Variants in UTP4 observed in about 807,000 individuals in gnomAD.
UTP4 encodes UTP4 small subunit processome component.
Under a neutral mutation model 82.4 loss-of-function variants are expected in UTP4, and 45 were observed. The ratio of observed to expected loss-of-function variants is 0.55; its 90% CI spans 0.43 to 0.70. The LOEUF (loss-of-function observed/expected upper bound fraction) is 0.70, where lower values mean the gene tolerates loss of function less well. Ranked by LOEUF, UTP4 falls within the 30% of genes least tolerant of loss-of-function variation. The pLI is 0.00. For missense variants in UTP4, 819 were observed against 858.3 expected (o/e 0.95, Z 0.57); for synonymous variants, 348 against 300.3 (o/e 1.16, Z -1.64).
intron 5 of UTP4, among the ~76,000 whole-genome samples, chr16:69,142,578 C>A (rs190952807): frequency 6.6e-6 from 1 of 152,270 alleles, no homozygotes; most frequent in East Asian, 1.9e-4. Flanking sequence ...TCCCCAATTC[C>A]TGAGTCCAAG....
intron 5 of UTP4, among the ~76,000 whole-genome samples, chr16:69,141,226 A>G (rs1188752478): frequency 1.3e-5 from 2 of 151,174 alleles, no homozygotes; most frequent in South Asian, 2.1e-4. Context: ...GAGATCTGAA[A>G]CTCTGATTGA....
At position 69,154,445 on chromosome 16, in the gene UTP4, C is replaced by G. The variant is rs571924487; in HGVS notation, c.1152C>G (p.His384Gln). 1 of 1,611,290 alleles carries G rather than the reference C, an allele frequency of 6.2e-7. No homozygotes were observed. The highest frequency in any genetic ancestry group is 8.5e-7 in the Non-Finnish European group (1 of 1,177,590). ...CTAAAAATGCAGATCATTTACTGCA[C>G]CTAAAGACAAAGGTAAGGAAGTTTG... The part of the protein sequence containing the change: ...PLSKNADHLL[H>Q]LKTKGPENII... Residue 384 changes from histidine (H) to glutamine (Q), a missense_variant, in exon 10 of 17, where the codon CAC becomes CAG. His to Gln is a conservative substitution (Grantham distance 24, BLOSUM62 0). Coordinates refer to ENST00000314423, the MANE Select transcript of UTP4 (RefSeq NM_032830.3).
At chr16:69,168,280 C>G (rs1345836360) in intron 16 of UTP4, among the ~76,000 whole-genome samples, 4 of 151,652 alleles carry the variant, frequency 2.6e-5, no homozygotes, top group Admixed American at 6.6e-5. Context: ...ACTAAAAATA[C>G]AAAAAATTAG....
chr16:69,150,568 A>T lies in UTP4; in HGVS notation c.770A>T (p.Glu257Val). The T allele has an allele frequency of 6.2e-7, 1 of 1,614,230 alleles. No homozygotes were observed. Among genetic ancestry groups the T allele is most frequent in the Non-Finnish European group, 8.5e-7 (1 of 1,180,036 alleles). Residue 257 changes from glutamate to valine, a missense_variant, in exon 7 of 17, where the codon GAG becomes GTG. Glu to Val is a moderately radical substitution (Grantham distance 121). Coordinates refer to ENST00000314423, the MANE Select transcript of UTP4 (RefSeq NM_032830.3). The stretch of plus-strand genomic sequence containing the variant: ...GACAGTTTCGTGGTGGGCACAGCCG[A>T]GGGAACAGTCTTCCATTTTCAGCTG... Reference protein sequence around the residue: ...QEDSFVVGTAEGTVFHFQLVP... With the variant: ...QEDSFVVGTAVGTVFHFQLVP...
intron 2 of UTP4, among the ~76,000 whole-genome samples, chr16:69,135,631 G>A (rs1023110588): frequency 9.2e-5 from 14 of 152,150 alleles, no homozygotes; most frequent in Non-Finnish European, 1.8e-4. Flanking sequence ...CGGAAGGATC[G>A]CTTGAGCTCA....
chr16:69,168,189 C>A (rs1283071238), intron 16 of UTP4, among the ~76,000 whole-genome samples: 3 of 152,176 alleles, frequency 2.0e-5, no homozygotes, highest in Non-Finnish European at 2.9e-5. Flanking sequence ...GTAATCCCAG[C>A]ACTTTGGGAG....
intron 3 of UTP4, 72 bp from the exon 4 acceptor site, chr16:69,137,728 GT>G: frequency 4.6e-6 from 3 of 655,702 alleles, no homozygotes; most frequent in Admixed American, 2.2e-5. Flanking sequence ...GTGTTGGGGG[GT>G]GTGTGTGTGT....
At chr16:69,155,064 A>G (rs1963375636) in intron 10 of UTP4, among the ~76,000 whole-genome samples, 1 of 151,766 alleles carries the variant, frequency 6.6e-6, no homozygotes, top group Admixed American at 6.5e-5. Context: ...AGGGTATACA[A>G]TGAAAAAAAA....
chr16:69,159,416 C>T (rs117268208), intron 12 of UTP4, among the ~76,000 whole-genome samples: 4,810 of 152,180 alleles, frequency 0.032, 104 homozygotes, highest in Non-Finnish European at 0.042. Flanking sequence ...ATTTAGGGGC[C>T]GGGCACAGTG....
Position 69,165,386 on chromosome 16 carries a change from C to A in UTP4, c.1693C>A (p.Arg565=), listed in dbSNP as rs119465999. The stretch of plus-strand genomic sequence containing the variant: ...AGACAAACAGTATACAGATTGGAGC[C>A]GGACTGTCCAGAAGCAGGGCTTTCA... ...IPDKQYTDWS[R]TVQKQGFHHL... The change falls in exon 15 of 17, where the codon CGG becomes AGG. Residue 565 remains arginine (R), a synonymous_variant. Coordinates refer to ENST00000314423, the MANE Select transcript of UTP4 (RefSeq NM_032830.3). The A allele has an allele frequency of 6.2e-7, 1 of 1,614,032 alleles. No homozygotes were observed. The highest frequency in any genetic ancestry group is 1.1e-5 in the South Asian group (1 of 91,060).
chr16:69,145,196 C>T (rs889516104), intron 6 of UTP4, among the ~76,000 whole-genome samples: 1 of 152,012 alleles, frequency 6.6e-6, no homozygotes, highest in African/African-American at 2.4e-5. Flanking sequence ...AAAGAGAATA[C>T]AGAGTAAAGG....
At chr16:69,137,911 T>A in intron 4 of UTP4, 26 bp downstream of exon 4, 1 of 1,324,862 alleles carries the variant, frequency 7.5e-7, no homozygotes, top group Non-Finnish European at 1.1e-6. Flanking sequence ...CATGGGGCGG[T>A]AAATAGCCTT....
intron 6 of UTP4, among the ~76,000 whole-genome samples, chr16:69,148,832 C>T (rs1280241306): frequency 6.6e-6 from 1 of 151,990 alleles, no homozygotes; most frequent in African/African-American, 2.4e-5. Flanking sequence ...TCTCAAATTC[C>T]TGGGTTGAAG....
chr16:69,149,832 G>A (rs1257430107), intron 6 of UTP4, among the ~76,000 whole-genome samples: 2 of 152,036 alleles, frequency 1.3e-5, no homozygotes, highest in Non-Finnish European at 2.9e-5. Context: ...AGGTTCAAGT[G>A]ATTCTCGTGC....
At chr16:69,133,372 A>T in intron 1 of UTP4, 86 bp from the exon 2 acceptor site, 1 of 1,343,592 alleles carries the variant, frequency 7.4e-7, no homozygotes, top group Non-Finnish European at 1.1e-6. Flanking sequence ...CCTTCCAGCC[A>T]GAACAGTGAT....
chr16:69,152,464 CTTT>C (rs58914042), intron 8 of UTP4, among the ~76,000 whole-genome samples: 1 of 107,146 alleles, frequency 9.3e-6, no homozygotes, highest in African/African-American at 3.4e-5. Flanking sequence ...TTCTGTTTTT[CTTT>C]TTTTTTTTTT....
intron 6 of UTP4, among the ~76,000 whole-genome samples, chr16:69,147,955 T>G (rs1001765424): frequency 3.3e-5 from 5 of 152,120 alleles, no homozygotes; most frequent in Middle Eastern, 3.4e-3. Context: ...TTGTTTTGTT[T>G]GTTTGTTTTG....
intron 9 of UTP4, 44 bp from the exon 10 acceptor site, chr16:69,154,349 T>C (rs1963353351): frequency 1.4e-6 from 2 of 1,455,058 alleles, no homozygotes; most frequent in African/African-American, 1.4e-5. Flanking sequence ...GTACAAATAC[T>C]CTTTCTTTCA....
At chr16:69,141,017 T>C (rs1962945925) in intron 5 of UTP4, among the ~76,000 whole-genome samples, 1 of 152,248 alleles carries the variant, frequency 6.6e-6, no homozygotes, top group Admixed American at 6.5e-5. Flanking sequence ...TTTCTTTCTT[T>C]TCCGGTATAC....
Sources: allele counts gnomAD v4.1 joint callset (sites outside exome capture counted in the v4.1 genomes callset), GRCh38; gene constraint gnomAD v4.1.1; transcripts MANE v1.5; gene names NCBI Gene and HGNC (gene_info 2026-07-23, HGNC 2026-07-21).